PIP4K2A: variants seen among roughly 807,000 people sequenced by gnomAD.
The protein encoded by PIP4K2A is phosphatidylinositol 5-phosphate 4-kinase type-2 alpha.
A neutral mutation model predicts 42.9 loss-of-function variants in PIP4K2A; 14 were observed. That is an observed-to-expected ratio of 0.33 (90% confidence interval 0.22 to 0.51). The LOEUF is 0.51. Ranked by LOEUF, PIP4K2A falls within the 20% of genes least tolerant of loss-of-function variation. The pLI, the probability that PIP4K2A is intolerant of heterozygous loss-of-function variation, is 0.97. For synonymous variants in PIP4K2A, 192 were observed against 192.2 expected (o/e 1.00, Z 0.01); for missense variants, 434 against 519.8 (o/e 0.83, Z 1.61).
intron 1 of PIP4K2A, among the ~76,000 whole-genome samples, chr10:22,632,225 T>G (rs1838565601): frequency 6.6e-6 from 1 of 152,156 alleles, no homozygotes; most frequent in African/African-American, 2.4e-5. Flanking sequence ...TGCGGAAATG[T>G]AAATAAGAGC....
chr10:22,704,732 T>C (rs1183760895), intron 1 of PIP4K2A, among the ~76,000 whole-genome samples: 1 of 151,126 alleles, frequency 6.6e-6, no homozygotes, highest in Non-Finnish European at 1.5e-5. Flanking sequence ...GAGCTTCTGC[T>C]GTTACTGTAG....
chr10:22,557,162 G>GT (rs1346241085), intron 6 of PIP4K2A, among the ~76,000 whole-genome samples: 2 of 151,646 alleles, frequency 1.3e-5, no homozygotes, highest in Admixed American at 1.3e-4. Flanking sequence ...AAGGGAAAAC[G>GT]TATCAGGACA....
chr10:22,635,659 C>T (rs1418899739), intron 1 of PIP4K2A, among the ~76,000 whole-genome samples: 2 of 152,054 alleles, frequency 1.3e-5, no homozygotes, highest in South Asian at 4.2e-4. Flanking sequence ...AGTGCCAGGC[C>T]GAGTTCTGTG....
intron 3 of PIP4K2A, among the ~76,000 whole-genome samples, chr10:22,595,394 ATAAAG>A (rs1015760073): frequency 3.3e-5 from 5 of 152,354 alleles, no homozygotes; most frequent in Admixed American, 1.3e-4. Flanking sequence ...AGCCTTTAAA[ATAAAG>A]TAAAATTGTT....
chr10:22,596,397 A>C (rs1020677912), intron 3 of PIP4K2A, among the ~76,000 whole-genome samples: 4 of 152,234 alleles, frequency 2.6e-5, no homozygotes, highest in East Asian at 1.9e-4. Context: ...GAGATGAAAG[A>C]GAACATGCAG....
At chr10:22,658,230 T>C (rs1348821549) in intron 1 of PIP4K2A, among the ~76,000 whole-genome samples, 1 of 152,134 alleles carries the variant, frequency 6.6e-6, no homozygotes, top group Non-Finnish European at 1.5e-5. Flanking sequence ...TTTGGAAAAA[T>C]ACTATAGAAA....
At chr10:22,673,562 C>G (rs1350001762) in intron 1 of PIP4K2A, among the ~76,000 whole-genome samples, 1 of 151,986 alleles carries the variant, frequency 6.6e-6, no homozygotes, top group African/African-American at 2.4e-5. Flanking sequence ...TAAACATACA[C>G]CACACACAAT....
chr10:22,562,868 C>T (rs188147642), intron 6 of PIP4K2A, among the ~76,000 whole-genome samples: 5 of 152,284 alleles, frequency 3.3e-5, no homozygotes, highest in Admixed American at 3.3e-4. Flanking sequence ...TGTTCTGACG[C>T]CACCCTGACA....
At chr10:22,683,084 AAC>A (rs1223565967) in intron 1 of PIP4K2A, among the ~76,000 whole-genome samples, 1,292 of 104,422 alleles carry the variant, frequency 0.012, 21 homozygotes, top group African/African-American at 0.052. Context: ...CAACAACAAC[AAC>A]AAAAACAGCT....
chr10:22,702,020 T>G (rs542412691), intron 1 of PIP4K2A, among the ~76,000 whole-genome samples: 14 of 152,232 alleles, frequency 9.2e-5, no homozygotes, highest in Non-Finnish European at 1.5e-4. Context: ...CACCATGAGG[T>G]CCAAAAAATT....
intron 1 of PIP4K2A, among the ~76,000 whole-genome samples, chr10:22,664,070 T>C (rs1255395334): frequency 9.0e-4 from 74 of 82,208 alleles, no homozygotes; most frequent in African/African-American, 5.6e-3. Flanking sequence ...TACATATATA[T>C]ATATACGTAT....
At chr10:22,699,687 C>T (rs146689606) in intron 1 of PIP4K2A, among the ~76,000 whole-genome samples, 2 of 152,214 alleles carry the variant, frequency 1.3e-5, no homozygotes, top group Admixed American at 6.5e-5. Context: ...AAAAAACCAA[C>T]GATTACATCT....
intron 5 of PIP4K2A, among the ~76,000 whole-genome samples, chr10:22,570,397 G>A (rs140654117): frequency 2.0e-5 from 3 of 152,252 alleles, no homozygotes; most frequent in African/African-American, 7.2e-5. Context: ...ACAGAGTCCT[G>A]TGTGCTCTGA....
At chr10:22,628,140 T>G (rs1838484367) in intron 1 of PIP4K2A, among the ~76,000 whole-genome samples, 1 of 147,462 alleles carries the variant, frequency 6.8e-6, no homozygotes, top group Non-Finnish European at 1.5e-5. Flanking sequence ...TGCCAATGAT[T>G]AAGTTTCTGT....
At chr10:22,559,191 T>C (rs946982980) in intron 6 of PIP4K2A, among the ~76,000 whole-genome samples, 4 of 152,210 alleles carry the variant, frequency 2.6e-5, no homozygotes, top group Admixed American at 1.3e-4. Context: ...TACTACCATG[T>C]TAAAGATCAT....
chr10:22,566,230 C>T (rs1011789714), intron 6 of PIP4K2A, among the ~76,000 whole-genome samples: 3 of 152,100 alleles, frequency 2.0e-5, no homozygotes, highest in African/African-American at 7.2e-5. Context: ...TGTGATGTCT[C>T]CCCTGGACGC....
chr10:22,692,647 G>C (rs1357189511), intron 1 of PIP4K2A, among the ~76,000 whole-genome samples: 2 of 152,136 alleles, frequency 1.3e-5, no homozygotes, highest in African/African-American at 4.8e-5. Context: ...GGCTTCAATA[G>C]AGTACTACCA....
At chr10:22,681,600 G>A (rs1839662162) in intron 1 of PIP4K2A, among the ~76,000 whole-genome samples, 1 of 151,076 alleles carries the variant, frequency 6.6e-6, no homozygotes, top group Non-Finnish European at 1.5e-5. Flanking sequence ...CCTTGAGCCT[G>A]GGGGGTAGAG....
chr10:22,681,914 C>G (rs1340863415), intron 1 of PIP4K2A, among the ~76,000 whole-genome samples: 1 of 152,130 alleles, frequency 6.6e-6, no homozygotes, highest in East Asian at 1.9e-4. Context: ...GAGTGTGGCT[C>G]TGTTCCAATC....
Sources: gnomAD v4.1 joint callset for allele counts (sites outside exome capture counted in the v4.1 genomes callset) on GRCh38, gnomAD v4.1.1 for gene constraint, MANE v1.5 for transcripts, NCBI Gene and HGNC (gene_info 2026-07-23, HGNC 2026-07-21) for gene names.